UNC5D: variants seen among roughly 807,000 people sequenced by gnomAD.
The protein encoded by UNC5D is netrin receptor UNC5D.
In UNC5D, 39 loss-of-function variants were observed where a neutral mutation model predicts 105.4. The observed-to-expected ratio is 0.37, with a 90% CI of 0.29 to 0.48. The LOEUF is 0.48. Among genes scored for constraint, UNC5D ranks in the 20% least tolerant of loss-of-function variants. The probability of loss-of-function intolerance (pLI) is 0.98; values close to 1 mark genes in which losing one functional copy is unlikely to be tolerated. For missense variants in UNC5D, 991 were observed against 1,202.4 expected (o/e 0.82, Z 2.60); for synonymous variants, 452 against 450.4 (o/e 1.00, Z -0.04).
intron 1 of UNC5D, among the ~76,000 whole-genome samples, chr8:35,291,613 A>C (rs2128861880): frequency 6.6e-6 from 1 of 152,288 alleles, no homozygotes; most frequent in Admixed American, 6.5e-5. Context: ...GCTTTCAGAC[A>C]CTTCAGTAAC....
At chr8:35,764,608 A>G (rs1801684416) in intron 14 of UNC5D, among the ~76,000 whole-genome samples, 1 of 152,248 alleles carries the variant, frequency 6.6e-6, no homozygotes, top group Admixed American at 6.5e-5. Flanking sequence ...CCCACAAATC[A>G]GAAATGCCCT....
At chr8:35,476,056 C>A (rs1381208982) in intron 1 of UNC5D, among the ~76,000 whole-genome samples, 4 of 152,292 alleles carry the variant, frequency 2.6e-5, no homozygotes, top group Non-Finnish European at 4.4e-5. Flanking sequence ...ACAAAAAGAT[C>A]TCAATTAACA....
At chr8:35,648,639 A>G (rs1416685254) in intron 4 of UNC5D, among the ~76,000 whole-genome samples, 2 of 146,506 alleles carry the variant, frequency 1.4e-5, no homozygotes, top group Non-Finnish European at 3.0e-5. Flanking sequence ...ACATTGCACC[A>G]CTGAACTCCA....
chr8:35,467,389 G>A (rs568538458), intron 1 of UNC5D, among the ~76,000 whole-genome samples: 1 of 152,136 alleles, frequency 6.6e-6, no homozygotes, highest in East Asian at 1.9e-4. Context: ...TTTCAAAGTG[G>A]GAGTGGATTG....
intron 1 of UNC5D, among the ~76,000 whole-genome samples, chr8:35,300,532 T>G (rs1031718370): frequency 2.8e-4 from 31 of 110,542 alleles, no homozygotes; most frequent in Admixed American, 1.9e-4. Flanking sequence ...ATAAATAAAA[T>G]TAACCAAGAA....
At chr8:35,414,176 A>T (rs1221777198) in intron 1 of UNC5D, among the ~76,000 whole-genome samples, 2 of 152,192 alleles carry the variant, frequency 1.3e-5, no homozygotes, top group Non-Finnish European at 2.9e-5. Flanking sequence ...ATAGGAACAA[A>T]TAACATCTAA....
intron 14 of UNC5D, among the ~76,000 whole-genome samples, chr8:35,766,215 T>G (rs1293273577): frequency 2.0e-5 from 3 of 152,130 alleles, no homozygotes; most frequent in African/African-American, 7.2e-5. Flanking sequence ...GTGTGGTAAT[T>G]AGCAGGCACT....
chr8:35,499,304 T>C (rs1017328817), intron 1 of UNC5D, among the ~76,000 whole-genome samples: 5 of 152,210 alleles, frequency 3.3e-5, no homozygotes, highest in Non-Finnish European at 5.9e-5. Context: ...ATAATTACAC[T>C]TAAGAGAAAA....
chr8:35,504,878 G>A (rs986157733), intron 1 of UNC5D, among the ~76,000 whole-genome samples: 2 of 152,068 alleles, frequency 1.3e-5, no homozygotes, highest in African/African-American at 2.4e-5. Flanking sequence ...GGCTCCCTGT[G>A]TCCACGTTCA....
At chr8:35,322,796 T>C (rs1240396353) in intron 1 of UNC5D, among the ~76,000 whole-genome samples, 1 of 152,190 alleles carries the variant, frequency 6.6e-6, no homozygotes, top group Non-Finnish European at 1.5e-5. Context: ...TACGATTTCT[T>C]AAGCGATCTT....
intron 4 of UNC5D, among the ~76,000 whole-genome samples, chr8:35,681,203 G>T (rs1038411330): frequency 2.0e-5 from 3 of 152,260 alleles, no homozygotes; most frequent in African/African-American, 7.2e-5. Flanking sequence ...CAGGGTCTTA[G>T]TCCATTTCTT....
At chr8:35,445,291 G>A (rs182783515) in intron 1 of UNC5D, among the ~76,000 whole-genome samples, 26 of 151,910 alleles carry the variant, frequency 1.7e-4, no homozygotes, top group Admixed American at 1.2e-3. Flanking sequence ...CAACTACAAA[G>A]GAATTGAAAA....
At chr8:35,341,888 C>T (rs573455064) in intron 1 of UNC5D, among the ~76,000 whole-genome samples, 1 of 152,182 alleles carries the variant, frequency 6.6e-6, no homozygotes, top group Non-Finnish European at 1.5e-5. Context: ...CTTTTTGCAA[C>T]ATTTTTATAT....
intron 7 of UNC5D, among the ~76,000 whole-genome samples, chr8:35,704,253 A>G (rs890177796): frequency 1.3e-5 from 2 of 152,204 alleles, no homozygotes; most frequent in Non-Finnish European, 1.5e-5. Flanking sequence ...GACTTCCACA[A>G]CAAATCAGAT....
chr8:35,579,708 C>T (rs954987229), intron 3 of UNC5D, among the ~76,000 whole-genome samples: 1 of 152,140 alleles, frequency 6.6e-6, no homozygotes, highest in African/African-American at 2.4e-5. Context: ...ATGGTGCTAC[C>T]AAAGAGAAGT....
chr8:35,728,111 T>C (rs1040852272), intron 10 of UNC5D, among the ~76,000 whole-genome samples: 5 of 140,326 alleles, frequency 3.6e-5, no homozygotes, highest in Non-Finnish European at 7.5e-5. Flanking sequence ...TATATATATA[T>C]GCCATAAAAA....
intron 2 of UNC5D, among the ~76,000 whole-genome samples, chr8:35,555,877 ACACACACACAC>A (rs1816509767): frequency 9.8e-4 from 1 of 1,022 alleles, no homozygotes; most frequent in Non-Finnish European, 1.5e-3. Flanking sequence ...AAAAAACAGC[ACACACACACAC>A]ACACACACAC....
chr8:35,567,049 A>C (rs1817393068), intron 2 of UNC5D, among the ~76,000 whole-genome samples: 1 of 151,938 alleles, frequency 6.6e-6, no homozygotes, highest in South Asian at 2.1e-4. Context: ...CAATTTGTTT[A>C]ATTTTAGAAG....
chr8:35,403,139 C>A (rs1409359539), intron 1 of UNC5D, among the ~76,000 whole-genome samples: 1 of 152,182 alleles, frequency 6.6e-6, no homozygotes. Context: ...CACATTATAC[C>A]ATGTAAATCA....
Sources: allele counts gnomAD v4.1 joint callset (sites outside exome capture counted in the v4.1 genomes callset), GRCh38; gene constraint gnomAD v4.1.1; transcripts MANE v1.5; gene names NCBI Gene and HGNC (gene_info 2026-07-23, HGNC 2026-07-21).